RNF169: variants seen among roughly 807,000 people sequenced by gnomAD.
RNF169 encodes the protein E3 ubiquitin-protein ligase RNF169.
Under a neutral mutation model 53.9 loss-of-function variants are expected in RNF169, and 24 were observed. The observed-to-expected ratio is 0.45, with a 90% CI of 0.32 to 0.63. The LOEUF is 0.63. Ranked by LOEUF, RNF169 falls within the 20% of genes least tolerant of loss-of-function variation. RNF169 has a pLI of 0.04. For missense variants in RNF169, 883 were observed against 906.2 expected, an observed-to-expected ratio of 0.97 and a Z score of 0.33; for synonymous variants, 396 against 363.5, an observed-to-expected ratio of 1.09 and a Z score of -1.02.
chr11:74,782,907 GT>G (rs754919782), intron 1 of RNF169, among the ~76,000 whole-genome samples: 4,499 of 135,274 alleles, frequency 0.033, 168 homozygotes, highest in African/African-American at 0.093. Context: ...GTGCAAAGAG[GT>G]TTTTTTTTTT....
At chr11:74,751,568 C>T (rs997483661) in intron 1 of RNF169, among the ~76,000 whole-genome samples, 2 of 152,112 alleles carry the variant, frequency 1.3e-5, no homozygotes, top group Non-Finnish European at 2.9e-5. Context: ...CAAACTTTTT[C>T]CCTTGAAGAT....
At position 74,837,552 on chromosome 11, in the gene RNF169, A is replaced by G. The variant is rs1391397799; in HGVS notation, c.*822A>G. On this transcript the variant is annotated 3_prime_UTR_variant, in exon 6 of 6. Coordinates refer to ENST00000299563, the MANE Select transcript of RNF169 (RefSeq NM_001098638.2). Reference sequence around the variant, plus strand: ...CTGATAGTGCAGAATCCACATGCAAACAAGATCGACAGGGTGGATAAACAT... The same window carrying G: ...CTGATAGTGCAGAATCCACATGCAAGCAAGATCGACAGGGTGGATAAACAT... The G allele has an allele frequency of 6.6e-6, 1 of 152,266 alleles. No individual in the cohort carries two copies. The highest frequency in any genetic ancestry group is 2.4e-5 in the African/African-American group (1 of 41,468). The allele number at this position is 152,266 out of a possible 1,614,324, so 9.4% of individuals were successfully genotyped here. A position where few individuals can be genotyped will look rare whatever the true frequency, so the allele number is the denominator to read the frequency against.
At chr11:74,834,333 T>G (rs512780) in intron 4 of RNF169, among the ~76,000 whole-genome samples, 101,584 of 152,038 alleles carry the variant, frequency 0.67, 34,912 homozygotes, top group African/African-American at 0.82. Flanking sequence ...AAAATCTGTT[T>G]GTTGTAAAGG....
intron 2 of RNF169, among the ~76,000 whole-genome samples, chr11:74,796,074 G>A (rs1390428666): frequency 1.3e-5 from 2 of 152,146 alleles, no homozygotes; most frequent in African/African-American, 4.8e-5. Flanking sequence ...CAGAGCAGTA[G>A]CATTTATGTT....
chr11:74,826,946 A>T (rs1591431113), intron 4 of RNF169, among the ~76,000 whole-genome samples: 1 of 152,274 alleles, frequency 6.6e-6, no homozygotes, highest in African/African-American at 2.4e-5. Flanking sequence ...TTTTAGGTAC[A>T]TGGTGTAAGC....
chr11:74,830,635 C>T (rs2036164363), intron 4 of RNF169: 1 of 151,738 alleles, frequency 6.6e-6, no homozygotes, highest in Non-Finnish European at 1.5e-5. Context: ...TAATGTGAAT[C>T]CTCACACTCT....
Position 74,749,308 on chromosome 11 carries a change from C to T in RNF169, c.428C>T (p.Pro143Leu), listed in dbSNP as rs1392875894. ...CGCAGCCAACCCGAGCGCTGCCGCC[C>T]GCGCCGGGACGGGGGCGCGGCTGCC... ...ARRSQPERCR[P>L]RRDGGAAAAG... The change falls in exon 1 of 6, where the codon CCG becomes CTG. Residue 143 changes from proline to leucine, a missense_variant. Coordinates refer to ENST00000299563, the MANE Select transcript of RNF169 (RefSeq NM_001098638.2). 2.5e-6 allele frequency: 3 copies of T among 1,183,180 alleles called. No homozygotes were observed. The highest frequency in any genetic ancestry group is 4.2e-5 in the South Asian group (1 of 24,020). The allele number at this position is 1,183,180 out of a possible 1,614,324, so 73.3% of individuals were successfully genotyped here. A position where few individuals can be genotyped will look rare whatever the true frequency, so the allele number is the denominator to read the frequency against.
At chr11:74,752,886 G>A (rs1591382704) in intron 1 of RNF169, among the ~76,000 whole-genome samples, 1 of 152,218 alleles carries the variant, frequency 6.6e-6, no homozygotes, top group East Asian at 1.9e-4. Context: ...AAATCATTAT[G>A]TAAATGCATG....
chr11:74,810,610 T>C (rs1185526342), intron 3 of RNF169, among the ~76,000 whole-genome samples: 1 of 152,256 alleles, frequency 6.6e-6, no homozygotes, highest in South Asian at 2.1e-4. Context: ...TAGATTTATA[T>C]GTATGTTGTT....
chr11:74,761,817 G>A (rs1213880873), intron 1 of RNF169, among the ~76,000 whole-genome samples: 24 of 145,412 alleles, frequency 1.7e-4, no homozygotes, highest in South Asian at 9.1e-4. Flanking sequence ...TCTTTGTGGC[G>A]TTCTCTGTAT....
chr11:74,835,858 C>G lies in RNF169; in HGVS notation c.1255C>G (p.Gln419Glu). Residue 419 changes from glutamine (Q) to glutamate (E), a missense_variant, in exon 6 of 6, where the codon CAG becomes GAG. By Grantham distance (29) the Gln-to-Glu change is conservative (BLOSUM62 2). Transcript: ENST00000299563. ...STPRNLNRSLQKQTSYEASPR... is the reference protein window; with the variant it reads ...STPRNLNRSLEKQTSYEASPR... The stretch of plus-strand genomic sequence containing the variant: ...TCCACGCAACCTAAACAGAAGCCTG[C>G]AGAAGCAGACTTCTTATGAGGCCAG... 6.2e-7 allele frequency: 1 copy of G among 1,614,166 alleles called. No individual in the cohort carries two copies.
chr11:74,810,252 TA>T lies in RNF169; in HGVS notation c.646del (p.Thr216GlnfsTer18). Reference protein sequence around the residue: ...DQIHKLLPEDTETGKRKMDEQ... With the variant: ...DQIHKLLPEDXETGKRKMDEQ... ...AAATCCACAAGCTGTTACCAGAGGA[TA>T]CAGAAACAGGGAAAAGGAAAATGGA... On this transcript the variant is annotated frameshift_variant, in exon 3 of 6. Coordinates refer to ENST00000299563, the MANE Select transcript of RNF169 (RefSeq NM_001098638.2). LOFTEE classifies it high-confidence loss of function. 6.2e-7 allele frequency: 1 copy of T among 1,613,406 alleles called. No homozygotes were observed. Among genetic ancestry groups the T allele is most frequent in the Non-Finnish European group, 8.5e-7 (1 of 1,179,444 alleles).
At chr11:74,767,861 A>C (rs775601795) in intron 1 of RNF169, among the ~76,000 whole-genome samples, 1 of 151,928 alleles carries the variant, frequency 6.6e-6, no homozygotes, top group Non-Finnish European at 1.5e-5. Context: ...TTTTAAAAAT[A>C]GAGATGGGGT....
chr11:74,835,709 C>A lies in RNF169; in HGVS notation c.1106C>A (p.Pro369His). ...CATAAGCCAGAGCGTTCTGTCAGCC[C>A]TGAGAGCAATGACAGCATCTCCGAA... ...SLHKPERSVSPESNDSISEEL... is the reference protein window; with the variant it reads ...SLHKPERSVSHESNDSISEEL... Residue 369 changes from proline (P) to histidine (H), a missense_variant, in exon 6 of 6, where the codon CCT (proline) becomes CAT (histidine). Transcript: ENST00000299563. The A allele has an allele frequency of 6.2e-7, 1 of 1,614,150 alleles. No individual in the cohort carries two copies. Among genetic ancestry groups the A allele is most frequent in the Non-Finnish European group, 8.5e-7 (1 of 1,180,028 alleles).
chr11:74,754,252 A>G (rs1225350836), intron 1 of RNF169, among the ~76,000 whole-genome samples: 1 of 152,204 alleles, frequency 6.6e-6, no homozygotes, highest in Non-Finnish European at 1.5e-5. Flanking sequence ...AGGCTTACAT[A>G]GGTAGATTTT....
intron 2 of RNF169, among the ~76,000 whole-genome samples, chr11:74,796,632 T>G (rs1015683544): frequency 2.0e-5 from 3 of 152,190 alleles, no homozygotes; most frequent in African/African-American, 7.2e-5. Flanking sequence ...AGGATGGTCT[T>G]GTCTTCTTTG....
At chr11:74,785,467 CCTT>C (rs1361565347) in intron 1 of RNF169, among the ~76,000 whole-genome samples, 2 of 147,872 alleles carry the variant, frequency 1.4e-5, no homozygotes, top group Non-Finnish European at 3.0e-5. Context: ...TTTTTTTTTT[CCTT>C]CTTAGCATTT....
Position 74,836,691 on chromosome 11 carries a change from G to T in RNF169, c.2088G>T (p.Gln696His). The T allele has an allele frequency of 6.2e-7, 1 of 1,612,788 alleles. No homozygotes were observed. Among genetic ancestry groups the T allele is most frequent in the Non-Finnish European group, 8.5e-7 (1 of 1,179,990 alleles). ...TVSRRKGSVD[Q>H]YLLRSSNMAG... Reference sequence around the variant, plus strand: ...GCCGGCGAAAAGGAAGTGTGGATCAGTATCTCCTACGGTCCAGCAACATGG... The same window carrying T: ...GCCGGCGAAAAGGAAGTGTGGATCATTATCTCCTACGGTCCAGCAACATGG... The change falls in exon 6 of 6, where the codon CAG (glutamine) becomes CAT (histidine). Residue 696 changes from glutamine (Q) to histidine (H), a missense_variant. Gln to His is a conservative substitution (Grantham distance 24). Transcript: ENST00000299563.
At chr11:74,768,920 G>A (rs886276654) in intron 1 of RNF169, among the ~76,000 whole-genome samples, 2 of 152,070 alleles carry the variant, frequency 1.3e-5, no homozygotes, top group Admixed American at 6.6e-5. Context: ...GGTGGGGTGT[G>A]CCTGTAGACC....
Sources: gnomAD v4.1 joint callset for allele counts (sites outside exome capture counted in the v4.1 genomes callset) on GRCh38, gnomAD v4.1.1 for gene constraint, MANE v1.5 for transcripts, NCBI Gene and HGNC (gene_info 2026-07-23, HGNC 2026-07-21) for gene names.